The following LAMA5 variants were observed in gnomAD, a reference collection of about 807,000 sequenced individuals.
LAMA5 encodes the protein laminin subunit alpha-5.
Under a neutral mutation model 433.4 loss-of-function variants are expected in LAMA5, and 260 were observed. The ratio of observed to expected loss-of-function variants is 0.60; its 90% CI spans 0.54 to 0.66. The LOEUF is 0.66. LAMA5 is among the 30% of genes least tolerant of loss of function. The probability of loss-of-function intolerance (pLI) is 0.00; values close to 1 mark genes in which losing one functional copy is unlikely to be tolerated. For missense variants in LAMA5, 5,378 were observed against 5,258.5 expected (o/e 1.02, Z -0.70); for synonymous variants, 2,620 against 2,226.6 (o/e 1.18, Z -4.97).
At position 62,328,995 on chromosome 20, in the gene LAMA5, G is replaced by A. The variant is rs1979833967; in HGVS notation, c.4296C>T (p.Asn1432=). ...GGCAGCCACATGGACGGGCTCCGTT[G>A]TTATAGAAGAGGGAGAGGGAAGCAG... is the stretch of plus-strand genomic sequence containing the variant. ...NAAASLSLFY[N]NGARPCGCHE... The change falls in exon 34 of 80, where the codon AAC becomes AAT. Residue 1432 remains asparagine (N), a synonymous_variant. Transcript: ENST00000252999. The A allele has an allele frequency of 6.2e-7, 1 of 1,612,718 alleles. No homozygotes were observed. The highest frequency in any genetic ancestry group is 8.5e-7 in the Non-Finnish European group (1 of 1,179,868).
In LAMA5 at chr20:62,314,971, C is replaced by A. The variant is rs925805346; in HGVS notation, c.8048-24G>T. 3.2e-6 allele frequency: 5 copies of A among 1,581,382 alleles called. No individual in the cohort carries two copies. The African/African-American group carries it at 6.7e-5, about 21-fold the overall frequency. ...CACTGCAGAGAGGGAGACCTGAGAC[C>A]TTTGCCCCCCACCGTGCCCGCCTCC... On this transcript the variant is annotated intron_variant, in intron 59 of 79. Coordinates refer to ENST00000252999, the MANE Select transcript of LAMA5 (RefSeq NM_005560.6).
Position 62,346,963 on chromosome 20 carries a change from T to G in LAMA5, c.1022A>C (p.Asn341Thr). The G allele has an allele frequency of 3.1e-6, 5 of 1,612,802 alleles. No individual in the cohort carries two copies. The highest frequency in any genetic ancestry group is 4.2e-6 in the Non-Finnish European group (5 of 1,179,926). Residue 341 changes from asparagine (N) to threonine (T), a missense_variant, in exon 7 of 80, where the codon AAT (asparagine) becomes ACT (threonine). Coordinates refer to ENST00000252999, the MANE Select transcript of LAMA5 (RefSeq NM_005560.6). ...AGTCGCAGGCTTCCACGGCTGCTGA[T>G]TGAAGCCGGGGCAGCAGCGGTCGCA... is the stretch of plus-strand genomic sequence containing the variant. Reference protein sequence around the residue: ...GTCDRCCPGFNQQPWKPATAN... With the variant: ...GTCDRCCPGFTQQPWKPATAN...
chr20:62,311,071 A>G lies in LAMA5; in HGVS notation c.10112T>C (p.Leu3371Pro), dbSNP rs1986214595. The change falls in exon 74 of 80, where the codon CTC becomes CCC. Residue 3371 changes from leucine (L) to proline (P), a missense_variant. Physicochemically the swap from Leu to Pro is moderately conservative, Grantham distance 98. Transcript: ENST00000252999. ...RNWPSLSMHV[L>P]PRSSRGLLLF... Reference sequence around the variant, plus strand: ...GAGGAGGCCTCGGGAGCTTCGCGGGAGGACGTGCATGGAGAGACTGGGCCT... The same window carrying G: ...GAGGAGGCCTCGGGAGCTTCGCGGGGGGACGTGCATGGAGAGACTGGGCCT... 6.3e-7 allele frequency: 1 copy of G among 1,592,948 alleles called. No homozygotes were observed.
Position 62,310,908 on chromosome 20 carries a change from C to T in LAMA5, c.10275G>A (p.Trp3425Ter). ...CCTTCTTCTCGGCCCTCACCTTGTGCCAGCGGCCAGGCCGGGAGCGCTGGC... is the reference window on the plus strand; with the variant it reads ...CCTTCTTCTCGGCCCTCACCTTGTGTCAGCGGCCAGGCCGGGAGCGCTGGC... Reference protein sequence around the residue: ...QSRQRSRPGRWHKVSVRWEKN... With the variant: ...QSRQRSRPGR The change falls in exon 74 of 80, where the codon TGG (tryptophan) becomes TGA (stop). Residue 3425 changes from tryptophan to a stop codon, truncating the protein, a stop_gained. Coordinates refer to ENST00000252999, the MANE Select transcript of LAMA5 (RefSeq NM_005560.6). LOFTEE classifies it high-confidence loss of function. 6.2e-7 allele frequency: 1 copy of T among 1,610,238 alleles called. No individual in the cohort carries two copies. The highest frequency in any genetic ancestry group is 8.5e-7 in the Non-Finnish European group (1 of 1,179,264).
In LAMA5 at chr20:62,314,659, C is replaced by A. The variant is rs367731238; in HGVS notation, c.8263G>T (p.Asp2755Tyr). 3 of 1,612,528 alleles carry A rather than the reference C, an allele frequency of 1.9e-6. No homozygotes were observed. Among genetic ancestry groups the A allele is most frequent in the African/African-American group, 1.3e-5 (1 of 74,900 alleles). The change falls in exon 61 of 80, where the codon GAC becomes TAC. Residue 2755 changes from aspartate to tyrosine, a missense_variant. By Grantham distance (160) the Asp-to-Tyr change is radical. Coordinates refer to ENST00000252999, the MANE Select transcript of LAMA5 (RefSeq NM_005560.6). ...TTGAGGGCAGTGTAGGCAGCAAGGT[C>A]GGCAAGATCCCGTGGGGTGCGCAGC... Reference protein sequence around the residue: ...VQLRTPRDLADLAAYTALKFY... With the variant: ...VQLRTPRDLAYLAAYTALKFY...
rs150650070 is a variant in LAMA5 at position 62,341,143 on chromosome 20, G to C, written c.1478-2535C>G. Among the ~76,000 whole-genome samples the C allele has an allele frequency of 5.2e-3, 798 of 152,070 alleles. 9 individuals are homozygous for C. The highest frequency in any genetic ancestry group is 0.018 in the African/African-American group (753 of 41,494). On this transcript the variant is annotated intron_variant, in intron 11 of 79. Transcript: ENST00000252999. ...AACAAAGAAAATCTCAAATTCCAAA[G>C]ACAAAAGGCAGAAACTATCAGTGTG... is the stretch of plus-strand genomic sequence containing the variant.
At chr20:62,358,693 G>GC (rs1022322905) in intron 2 of LAMA5, among the ~76,000 whole-genome samples, 3 of 152,152 alleles carry the variant, frequency 2.0e-5, no homozygotes, top group African/African-American at 7.2e-5. Flanking sequence ...AGACAGCATG[G>GC]CCAACCCCAC....
At chr20:62,349,293 A>AAAAC (rs1983835919) in intron 6 of LAMA5, among the ~76,000 whole-genome samples, 1 of 146,802 alleles carries the variant, frequency 6.8e-6, no homozygotes. Context: ...AAAAAAAAAA[A>AAAAC]GCGTGAGTCC....
In LAMA5 at chr20:62,338,467, C is replaced by T. The variant is rs200132013; in HGVS notation, c.1618+1G>A. ...AGGTTGAGCGGGGAGAGGGGACTCACGCTGGCAGCCGGGGCCGTAGAACCC... is the reference window on the plus strand; with the variant it reads ...AGGTTGAGCGGGGAGAGGGGACTCATGCTGGCAGCCGGGGCCGTAGAACCC... On this transcript the variant is annotated splice_donor_variant, in intron 12 of 79. Coordinates refer to ENST00000252999, the MANE Select transcript of LAMA5 (RefSeq NM_005560.6). LOFTEE classifies it high-confidence loss of function. 67 of 1,607,766 alleles carry T rather than the reference C, an allele frequency of 4.2e-5. No individual in the cohort carries two copies. The highest frequency in any genetic ancestry group is 6.7e-5 in the East Asian group (3 of 44,698).
At position 62,322,107 on chromosome 20, in the gene LAMA5, C is replaced by T. The variant is rs530864216; in HGVS notation, c.6408G>A (p.Gly2136=). The T allele has an allele frequency of 6.6e-5, 106 of 1,602,928 alleles. No individual in the cohort carries two copies. Among genetic ancestry groups the T allele is most frequent in the South Asian group, 8.8e-5 (8 of 91,010 alleles). The change falls in exon 48 of 80, where the codon GGG becomes GGA. Residue 2136 remains glycine (G), a synonymous_variant. Coordinates refer to ENST00000252999, the MANE Select transcript of LAMA5 (RefSeq NM_005560.6). ...PHTGRCNCPP[G]LSGERCDTCS... The stretch of plus-strand genomic sequence containing the variant: ...AGGTGTCGCAGCGCTCCCCGCTGAG[C>T]CCCGGGGGGCAGTTGCAGCGGCCCG...
In LAMA5 at chr20:62,315,096, C is replaced by A; in HGVS notation, c.7979G>T (p.Trp2660Leu). 1 of 1,605,796 alleles carries A rather than the reference C, an allele frequency of 6.2e-7. No individual in the cohort carries two copies. Among genetic ancestry groups the A allele is most frequent in the Non-Finnish European group, 8.5e-7 (1 of 1,179,638 alleles). ...LQAMQENVER[W>L]QGQYEGLRGQ... ...CCGCAGGCCCTCGTACTGGCCCTGC[C>A]ACCGCTCCACATTCTCCTGCATGGC... The change falls in exon 59 of 80, where the codon TGG becomes TTG. Residue 2660 changes from tryptophan (W) to leucine (L), a missense_variant. Trp to Leu is a moderately conservative substitution (Grantham distance 61). Transcript: ENST00000252999.
At position 62,360,965 on chromosome 20, in the gene LAMA5, C is replaced by T. The variant is rs183874153; in HGVS notation, c.450+1435G>A. On this transcript the variant is annotated intron_variant, in intron 2 of 79. Transcript: ENST00000252999. ...CCCCACCCAGGCACATCGGGCACTGCGCCCACTGGCTCTGCAGCCACCCTG... is the reference window on the plus strand; with the variant it reads ...CCCCACCCAGGCACATCGGGCACTGTGCCCACTGGCTCTGCAGCCACCCTG... 2.5e-3 allele frequency among the ~76,000 whole-genome samples: 380 copies of T among 152,256 alleles called. 3 individuals carry two copies. The highest frequency in any genetic ancestry group is 0.022 in the Admixed American group (344 of 15,300).
intron 61 of LAMA5, 41 bp downstream of exon 61, chr20:62,314,514 G>T: frequency 6.2e-7 from 1 of 1,606,816 alleles, no homozygotes; most frequent in Middle Eastern, 1.7e-4. Flanking sequence ...TTTCCAAACA[G>T]AGCCTGAGCT....
At position 62,345,795 on chromosome 20, in the gene LAMA5, C is replaced by G. The variant is rs1983261457; in HGVS notation, c.1477+23G>C. 3.2e-6 allele frequency: 5 copies of G among 1,539,554 alleles called. No homozygotes were observed. The South Asian group carries it at 4.8e-5, about 15-fold the overall frequency. ...CATGGCTCCAGGGCAGGCCGGGGAC[C>G]TGGGGGCCTCAAGGACACTTACTCA... On this transcript the variant is annotated intron_variant, in intron 11 of 79. Transcript: ENST00000252999.
rs1201518301 is a variant in LAMA5, at chr20:62,311,053, C to T, written c.10130G>A (p.Gly3377Asp). 1 of 1,601,724 alleles carries T rather than the reference C, an allele frequency of 6.2e-7. No individual in the cohort carries two copies. The highest frequency in any genetic ancestry group is 1.3e-5 in the African/African-American group (1 of 74,556). ...SMHVLPRSSR[G>D]LLLFTARLRP... Reference sequence around the variant, plus strand: ...CAGACGGGCAGTGAAGAGGAGGAGGCCTCGGGAGCTTCGCGGGAGGACGTG... The same window carrying T: ...CAGACGGGCAGTGAAGAGGAGGAGGTCTCGGGAGCTTCGCGGGAGGACGTG... Residue 3377 changes from glycine (G) to aspartate (D), a missense_variant, in exon 74 of 80, where the codon GGC becomes GAC. Transcript: ENST00000252999.
rs1298010535 is a variant in LAMA5 at position 62,329,702 on chromosome 20, G to A, written c.4119+75C>T. 1.5e-5 allele frequency: 24 copies of A among 1,557,086 alleles called. No homozygotes were observed. The East Asian group carries it at 1.8e-4, about 12-fold the overall frequency. The stretch of plus-strand genomic sequence containing the variant: ...AGCAGGCCCAGAAGAGACAGACCCA[G>A]CCCAAGTGTACCACAGTGGTAATGA... On this transcript the variant is annotated intron_variant, in intron 32 of 79. Transcript: ENST00000252999.
rs560551990 is a variant in LAMA5 at position 62,364,032 on chromosome 20, G to A, written c.298-1480C>T. Among the ~76,000 whole-genome samples the A allele has an allele frequency of 9.6e-4, 146 of 152,250 alleles. 1 individual carries two copies. Among genetic ancestry groups the A allele is most frequent in the African/African-American group, 3.5e-3 (144 of 41,544 alleles). On this transcript the variant is annotated intron_variant, in intron 1 of 79. Transcript: ENST00000252999. ...CCTGGAATTATCTGGGGGCCTCCCC[G>A]GGGTCCCCCAGAGCTCTGCAGTGGC...
rs900458412 is a variant in LAMA5 at position 62,330,619 on chromosome 20, A to G, written c.3853-5T>C. On this transcript the variant is annotated splice_polypyrimidine_tract_variant and splice_region_variant and intron_variant, in intron 30 of 79. Transcript: ENST00000252999. ...GGTGGTGAAGACCACGGTGGCCTGC[A>G]GGGATAGGCCCTAGTGAGCAGGCTG... is the stretch of plus-strand genomic sequence containing the variant. 6.3e-7 allele frequency: 1 copy of G among 1,588,606 alleles called. No individual in the cohort carries two copies. Among genetic ancestry groups the G allele is most frequent in the Non-Finnish European group, 8.6e-7 (1 of 1,169,044 alleles).
Position 62,323,561 on chromosome 20 carries a change from G to A in LAMA5, c.5959C>T (p.Leu1987=). The change falls in exon 45 of 80, where the codon CTG becomes TTG. Residue 1987 remains leucine, a synonymous_variant. Coordinates refer to ENST00000252999, the MANE Select transcript of LAMA5 (RefSeq NM_005560.6). The stretch of plus-strand genomic sequence containing the variant: ...AGGCAGCCACGGCAGGCGCCCGTCA[G>A]GGGGTCGCAGTCGCTGAAGAGCAAG... ...PNLLFSDCDP[L]TGACRGCLRH... 6.2e-7 allele frequency: 1 copy of A among 1,601,680 alleles called. No homozygotes were observed. Among genetic ancestry groups the A allele is most frequent in the African/African-American group, 1.3e-5 (1 of 74,970 alleles).
Sources: allele counts gnomAD v4.1 joint callset (sites outside exome capture counted in the v4.1 genomes callset), GRCh38; gene constraint gnomAD v4.1.1; transcripts MANE v1.5; gene names NCBI Gene and HGNC (gene_info 2026-07-23, HGNC 2026-07-21).